Variants in APP observed in about 807,000 individuals in gnomAD.
The protein encoded by APP is amyloid-beta precursor protein.
In APP, 31 loss-of-function variants were observed where a neutral mutation model predicts 101.4. That is an observed-to-expected ratio of 0.31 (90% CI 0.23 to 0.41). The LOEUF is 0.41. Among genes scored for constraint, APP ranks in the 10% least tolerant of loss-of-function variants. The pLI is 1.00. For synonymous variants in APP, 366 were observed against 364.4 expected (o/e 1.00, Z -0.05); for missense variants, 839 against 1,003.7 (o/e 0.84, Z 2.22).
At chr21:26,010,224 A>AC (rs1255955496) in intron 6 of APP, among the ~76,000 whole-genome samples, 1 of 152,046 alleles carries the variant, frequency 6.6e-6, no homozygotes, top group African/African-American at 2.4e-5. Flanking sequence ...AAAAAAAAAA[A>AC]AAAACAAAAC....
chr21:26,159,982 C>A (rs1385914945), intron 1 of APP, among the ~76,000 whole-genome samples: 2 of 152,028 alleles, frequency 1.3e-5, no homozygotes, highest in Admixed American at 6.5e-5. Flanking sequence ...TTAAGTATAC[C>A]CTCTCTGCCA....
intron 16 of APP, among the ~76,000 whole-genome samples, chr21:25,894,008 A>G (rs769486868): frequency 3.9e-5 from 6 of 152,250 alleles, no homozygotes; most frequent in Non-Finnish European, 8.8e-5. Context: ...TAAAAGTCCT[A>G]GGGCGCTTAA....
At chr21:26,016,936 GC>G (rs1555846885) in intron 6 of APP, among the ~76,000 whole-genome samples, 942 of 6,910 alleles carry the variant, frequency 0.14, 56 homozygotes, top group African/African-American at 0.21. Flanking sequence ...TTTGTGGGGG[GC>G]GGGGGGCGGG....
intron 11 of APP, among the ~76,000 whole-genome samples, chr21:25,970,006 A>AAGAGAGAGAGAGAG (rs34800671): frequency 2.0e-5 from 3 of 146,624 alleles, no homozygotes; most frequent in African/African-American, 7.6e-5. Context: ...GAAACAGAGA[A>AAGAGAGAGAGAGAG]AGAGAGAGAG....
intron 13 of APP, among the ~76,000 whole-genome samples, chr21:25,929,736 T>G (rs1569069869): frequency 6.6e-6 from 1 of 152,140 alleles, no homozygotes; most frequent in East Asian, 1.9e-4. Flanking sequence ...GAAAGTACAG[T>G]GAGAAAAAAA....
chr21:26,052,058 A>T (rs1442490697), intron 4 of APP, among the ~76,000 whole-genome samples: 1 of 152,258 alleles, frequency 6.6e-6, no homozygotes, highest in African/African-American at 2.4e-5. Flanking sequence ...ATTTTTACAT[A>T]AAAAACATTT....
In APP at chr21:25,897,969, G is replaced by T. The variant is rs199921520; in HGVS notation, c.1964-296C>A. The stretch of plus-strand genomic sequence containing the variant: ...AAAGCAGAAGTTAAATCCTGGTTGA[G>T]AGGTTGGCAAGGATTTGTTCCTGGA... On this transcript the variant is annotated intron_variant, in intron 15 of 17. Transcript: ENST00000346798. The T allele has an allele frequency of 2.7e-4, 115 of 422,040 alleles. No homozygotes were observed. In the East Asian group the frequency reaches 5.4e-3, roughly 20 times the overall value. 26.1% of individuals were successfully genotyped at this position (422,040 alleles called of 1,614,324 possible). A position where few individuals can be genotyped will look rare whatever the true frequency, so the allele number is the denominator to read the frequency against.
intron 11 of APP, among the ~76,000 whole-genome samples, chr21:25,970,856 C>T (rs1220895838): frequency 6.6e-6 from 1 of 152,086 alleles, no homozygotes; most frequent in East Asian, 1.9e-4. Context: ...CTCCTCATGG[C>T]TTTCTGTGCA....
At chr21:26,137,851 G>A (rs1569021190) in intron 1 of APP, among the ~76,000 whole-genome samples, 1 of 152,024 alleles carries the variant, frequency 6.6e-6, no homozygotes, top group African/African-American at 2.4e-5. Flanking sequence ...TCCTATTTTT[G>A]TTCCTTCATT....
At chr21:26,129,818 T>C (rs780837219) in intron 1 of APP, among the ~76,000 whole-genome samples, 9 of 152,190 alleles carry the variant, frequency 5.9e-5, no homozygotes, top group Non-Finnish European at 7.4e-5. Context: ...CAATAAAAAA[T>C]ACAAATTACT....
intron 15 of APP, among the ~76,000 whole-genome samples, chr21:25,904,611 C>T (rs938522956): frequency 6.6e-6 from 1 of 152,150 alleles, no homozygotes; most frequent in African/African-American, 2.4e-5. Flanking sequence ...CCCATCTGGA[C>T]ACCAAACAAG....
At chr21:26,167,838 G>A (rs774043732) in intron 1 of APP, among the ~76,000 whole-genome samples, 1 of 151,998 alleles carries the variant, frequency 6.6e-6, no homozygotes, top group African/African-American at 2.4e-5. Context: ...TGCTGGTTCC[G>A]GTGACAAGAG....
chr21:26,047,885 T>A (rs976546508), intron 5 of APP, among the ~76,000 whole-genome samples: 1 of 152,116 alleles, frequency 6.6e-6, no homozygotes, highest in Non-Finnish European at 1.5e-5. Context: ...GAAAGAAACA[T>A]AAAAAAAGAA....
intron 11 of APP, among the ~76,000 whole-genome samples, chr21:25,960,582 C>A (rs964949473): frequency 1.3e-5 from 2 of 152,088 alleles, no homozygotes; most frequent in African/African-American, 4.8e-5. Flanking sequence ...TTACGGAGGC[C>A]TGCATTAGTG....
chr21:26,130,385 T>C (rs964666061), intron 1 of APP, among the ~76,000 whole-genome samples: 1 of 152,232 alleles, frequency 6.6e-6, no homozygotes, highest in Non-Finnish European at 1.5e-5. Flanking sequence ...TCTGAAGTGG[T>C]GACACGCTGA....
intron 8 of APP, among the ~76,000 whole-genome samples, chr21:25,986,250 C>T (rs1045284496): frequency 2.0e-5 from 3 of 152,096 alleles, no homozygotes; most frequent in African/African-American, 7.2e-5. Context: ...CAGCAGGTCA[C>T]TGATATATTT....
At chr21:26,097,671 C>T (rs2061973888) in intron 2 of APP, among the ~76,000 whole-genome samples, 1 of 152,216 alleles carries the variant, frequency 6.6e-6, no homozygotes, top group Admixed American at 6.5e-5. Context: ...TAAGCTCTCA[C>T]TTGGGCTAAT....
chr21:26,026,216 C>A (rs140884235), intron 5 of APP, among the ~76,000 whole-genome samples: 64 of 152,336 alleles, frequency 4.2e-4, no homozygotes, highest in African/African-American at 1.5e-3. Flanking sequence ...AACATTCATA[C>A]CACATTCGCA....
At chr21:25,907,259 C>A (rs572273230) in intron 14 of APP, among the ~76,000 whole-genome samples, 1 of 152,272 alleles carries the variant, frequency 6.6e-6, no homozygotes, top group East Asian at 1.9e-4. Context: ...AAACCCTAAT[C>A]TGCTTTAAAA....
Sources: gnomAD v4.1 joint callset for allele counts (sites outside exome capture counted in the v4.1 genomes callset) on GRCh38, gnomAD v4.1.1 for gene constraint, MANE v1.5 for transcripts, NCBI Gene and HGNC (gene_info 2026-07-23, HGNC 2026-07-21) for gene names.